The following GALNT13 variants were observed in gnomAD, a reference collection of about 807,000 sequenced individuals.
The protein encoded by GALNT13 is polypeptide N-acetylgalactosaminyltransferase 13.
GALNT13 carries 28 observed loss-of-function variants against 64.2 expected under a neutral mutation model. The ratio of observed to expected loss-of-function variants is 0.44; its 90% CI spans 0.32 to 0.60. GALNT13 has a LOEUF of 0.60. Ranked by LOEUF, GALNT13 falls within the 20% of genes least tolerant of loss-of-function variation. The pLI is 0.05. For synonymous variants in GALNT13, 214 were observed against 224.6 expected (o/e 0.95, Z 0.42); for missense variants, 577 against 669.8 (o/e 0.86, Z 1.53).
chr2:154,365,517 A>C (rs1193353750), intron 9 of GALNT13, among the ~76,000 whole-genome samples: 1 of 152,214 alleles, frequency 6.6e-6, no homozygotes, highest in Non-Finnish European at 1.5e-5. Context: ...GATTCATCCC[A>C]AAATTGTTTT....
chr2:153,176,999 A>T, the GALNT13 span, among the ~76,000 whole-genome samples: 1 of 152,190 alleles, frequency 6.6e-6, no homozygotes, highest in African/African-American at 2.4e-5. Context: ...AGAATTGCAC[A>T]GGAAGTTTCT....
At chr2:153,498,394 C>T in the GALNT13 span, among the ~76,000 whole-genome samples, 1 of 152,334 alleles carries the variant, frequency 6.6e-6, no homozygotes, top group Admixed American at 6.5e-5. Flanking sequence ...TTGGCTAACG[C>T]TATTGGCCCA....
chr2:153,628,424 C>G, the GALNT13 span, among the ~76,000 whole-genome samples: 1 of 151,774 alleles, frequency 6.6e-6, no homozygotes, highest in Non-Finnish European at 1.5e-5. Flanking sequence ...GTCTTGTGCC[C>G]GTTTTCAAAG....
At chr2:153,948,298 A>AT (rs1340111758) in intron 3 of GALNT13, among the ~76,000 whole-genome samples, 5 of 152,084 alleles carry the variant, frequency 3.3e-5, no homozygotes, top group African/African-American at 1.2e-4. Context: ...CAAAGCCGCA[A>AT]TGAGATTCCA....
intron 1 of GALNT13, among the ~76,000 whole-genome samples, chr2:153,881,814 G>A (rs1686804632): frequency 6.6e-6 from 1 of 152,106 alleles, no homozygotes. Context: ...CATGAAATCA[G>A]TAGTATCAAT....
chr2:153,684,778 A>AT, the GALNT13 span, among the ~76,000 whole-genome samples: 1 of 151,432 alleles, frequency 6.6e-6, no homozygotes, highest in Admixed American at 6.6e-5. Flanking sequence ...TCCATTAGTT[A>AT]TTTTTCCTGA....
the GALNT13 span, among the ~76,000 whole-genome samples, chr2:153,127,854 A>G: frequency 2.0e-5 from 3 of 152,208 alleles, no homozygotes; most frequent in Non-Finnish European, 4.4e-5. Flanking sequence ...CAAACAACTG[A>G]TGAGCACCTT....
the GALNT13 span, among the ~76,000 whole-genome samples, chr2:153,486,555 T>G: frequency 1.3e-5 from 2 of 152,176 alleles, no homozygotes; most frequent in South Asian, 2.1e-4. Flanking sequence ...TTTCTTTACA[T>G]GCCAGGCATG....
At chr2:154,141,448 G>GT (rs987286429) in intron 4 of GALNT13, among the ~76,000 whole-genome samples, 3 of 151,912 alleles carry the variant, frequency 2.0e-5, no homozygotes, top group African/African-American at 7.2e-5. Flanking sequence ...TATTCTATTA[G>GT]TTTTTTTCCA....
At chr2:153,275,661 G>A in the GALNT13 span, among the ~76,000 whole-genome samples, 3 of 151,980 alleles carry the variant, frequency 2.0e-5, no homozygotes, top group Admixed American at 6.6e-5. Flanking sequence ...ACTGCTACTC[G>A]TTCTTTATAA....
At chr2:153,579,599 T>C in the GALNT13 span, among the ~76,000 whole-genome samples, 1 of 152,160 alleles carries the variant, frequency 6.6e-6, no homozygotes, top group East Asian at 1.9e-4. Flanking sequence ...ATAGCATGAA[T>C]GTTTCCAAAT....
intron 3 of GALNT13, among the ~76,000 whole-genome samples, chr2:153,988,726 C>A (rs1438652297): frequency 6.6e-6 from 1 of 151,746 alleles, no homozygotes; most frequent in Non-Finnish European, 1.5e-5. Context: ...CTATCTAAAC[C>A]CTTGGTGAAA....
chr2:154,213,165 C>A (rs372149355), intron 4 of GALNT13, among the ~76,000 whole-genome samples: 8 of 152,210 alleles, frequency 5.3e-5, no homozygotes, highest in African/African-American at 1.9e-4. Context: ...TGTAGTGGCA[C>A]AAGCTCAGCT....
chr2:153,508,398 G>A, the GALNT13 span, among the ~76,000 whole-genome samples: 1 of 152,108 alleles, frequency 6.6e-6, no homozygotes, highest in South Asian at 2.1e-4. Flanking sequence ...CTGCTATGGG[G>A]GATGGTGGTG....
chr2:153,696,316 T>A, the GALNT13 span, among the ~76,000 whole-genome samples: 2 of 152,182 alleles, frequency 1.3e-5, no homozygotes, highest in Non-Finnish European at 2.9e-5. Context: ...TGTTCTTCCA[T>A]CTTCTCCTGC....
the GALNT13 span, among the ~76,000 whole-genome samples, chr2:153,182,985 A>T: frequency 4.7e-4 from 71 of 152,352 alleles, 1 homozygote; most frequent in African/African-American, 1.6e-3. Context: ...TCCTTGGGGC[A>T]TATACCCAGT....
intron 3 of GALNT13, among the ~76,000 whole-genome samples, chr2:153,969,090 CT>C (rs1169802969): frequency 3.3e-5 from 5 of 151,910 alleles, no homozygotes; most frequent in African/African-American, 1.2e-4. Flanking sequence ...GCTCTCATTA[CT>C]TTTTGTAATG....
At chr2:154,408,036 A>G (rs1699633027) in intron 10 of GALNT13, among the ~76,000 whole-genome samples, 1 of 152,130 alleles carries the variant, frequency 6.6e-6, no homozygotes, top group Non-Finnish European at 1.5e-5. Flanking sequence ...CTACCAACTG[A>G]ACAGTAAAAT....
the GALNT13 span, among the ~76,000 whole-genome samples, chr2:153,265,718 A>G: frequency 6.6e-6 from 1 of 152,188 alleles, no homozygotes; most frequent in Admixed American, 6.5e-5. Flanking sequence ...CCTGTGCAGA[A>G]GATTATTACT....
Sources: gnomAD v4.1 joint callset for allele counts (sites outside exome capture counted in the v4.1 genomes callset) on GRCh38, gnomAD v4.1.1 for gene constraint, MANE v1.5 for transcripts, NCBI Gene and HGNC (gene_info 2026-07-23, HGNC 2026-07-21) for gene names.